Variants in HERC6 observed in about 807,000 individuals in gnomAD.
The protein encoded by HERC6 is probable E3 ubiquitin-protein ligase HERC6.
HERC6 carries 101 observed loss-of-function variants against 114.5 expected under a neutral mutation model. The observed-to-expected ratio is 0.88, with a 90% CI of 0.75 to 1.04. The LOEUF (loss-of-function observed/expected upper bound fraction) is 1.04. HERC6 is among the 50% of genes least tolerant of loss of function. The pLI, the probability that HERC6 is intolerant of heterozygous loss-of-function variation, is 0.00. For synonymous variants in HERC6, 408 were observed against 436.2 expected (o/e 0.94, Z 0.81); for missense variants, 1,133 against 1,230.9 (o/e 0.92, Z 1.19).
chr4:88,437,643 G>T, intron 19 of HERC6, 68 bp from the exon 20 acceptor site: 1 of 941,178 alleles, frequency 1.1e-6, no homozygotes, highest in Non-Finnish European at 1.7e-6. Flanking sequence ...TGGCAATAAA[G>T]ATATTATGGG....
intron 8 of HERC6, 55 bp downstream of exon 8, chr4:88,398,264 A>ACC: frequency 8.9e-7 from 1 of 1,123,226 alleles, no homozygotes; most frequent in South Asian, 1.6e-5. Flanking sequence ...AAGATTTCAG[A>ACC]CCGGTATTTG....
chr4:88,440,295 A>T, intron 22 of HERC6, 45 bp downstream of exon 22: 6 of 1,073,764 alleles, frequency 5.6e-6, no homozygotes, highest in African/African-American at 1.6e-5. Context: ...TGTATCTTTT[A>T]AAAAGGTACA....
intron 4 of HERC6, among the ~76,000 whole-genome samples, chr4:88,391,384 C>G (rs956875412): frequency 3.3e-5 from 5 of 152,200 alleles, no homozygotes; most frequent in Non-Finnish European, 1.5e-5. Context: ...AGGCGCATCT[C>G]CCTTGTTTTA....
At chr4:88,408,999 G>A (rs553071545) in intron 11 of HERC6, among the ~76,000 whole-genome samples, 2 of 152,228 alleles carry the variant, frequency 1.3e-5, no homozygotes, top group South Asian at 4.2e-4. Flanking sequence ...TCCTGGGTGG[G>A]GGCCACAGGA....
chr4:88,411,475 T>A (rs1337611843), intron 11 of HERC6, among the ~76,000 whole-genome samples: 1 of 152,190 alleles, frequency 6.6e-6, no homozygotes, highest in African/African-American at 2.4e-5. Context: ...CATATTCTGC[T>A]AGACATGTGA....
Position 88,417,454 on chromosome 4 carries a change from T to C in HERC6, c.1588T>C (p.Ser530Pro). 1 of 1,610,656 alleles carries C rather than the reference T, an allele frequency of 6.2e-7. No homozygotes were observed. The highest frequency in any genetic ancestry group is 8.5e-7 in the Non-Finnish European group (1 of 1,178,332). The change falls in exon 13 of 23, where the codon TCT (serine) becomes CCT (proline). Residue 530 changes from serine (S) to proline (P), a missense_variant. Around this residue, in one of 3 missense-constraint regions of HERC6, gnomAD observed 735 missense variants for 754.0 expected, o/e 0.97. Transcript: ENST00000264346. The part of the protein sequence containing the change: ...KKCWAFLQES[S>P]LNPLIQMLKA... ...GTGTTGGGCATTTTTGCAAGAATCTTCTCTGAATCCGCTGATCCAGATGCT... is the reference window on the plus strand; with the variant it reads ...GTGTTGGGCATTTTTGCAAGAATCTCCTCTGAATCCGCTGATCCAGATGCT...
At chr4:88,428,361 C>A (rs1737838081) in intron 15 of HERC6, among the ~76,000 whole-genome samples, 1 of 152,178 alleles carries the variant, frequency 6.6e-6, no homozygotes, top group Non-Finnish European at 1.5e-5. Flanking sequence ...CTCCTGTACA[C>A]AATTCCTAGG....
Position 88,443,036 on chromosome 4 carries a change from G to A in HERC6, c.*576G>A, listed in dbSNP as rs1739484992. 1 of 153,048 alleles carries A rather than the reference G, an allele frequency of 6.5e-6. No individual in the cohort carries two copies. The highest frequency in any genetic ancestry group is 1.4e-5 in the Non-Finnish European group (1 of 69,850). 9.5% of individuals were successfully genotyped at this position (153,048 alleles called of 1,614,324 possible). The stretch of plus-strand genomic sequence containing the variant: ...CTAGCCCACTCCCACCCTGTGGAAT[G>A]TACTTTCACTTTTGCTGCTTCACTG... On this transcript the variant is annotated 3_prime_UTR_variant, in exon 23 of 23. Transcript: ENST00000264346.
intron 15 of HERC6, among the ~76,000 whole-genome samples, chr4:88,427,132 G>T (rs1246332850): frequency 6.6e-6 from 1 of 152,134 alleles, no homozygotes; most frequent in African/African-American, 2.4e-5. Context: ...GAGTGAAGCT[G>T]GAAAGCTGAC....
chr4:88,421,178 T>C (rs1449464524), intron 13 of HERC6, among the ~76,000 whole-genome samples: 1 of 152,244 alleles, frequency 6.6e-6, no homozygotes, highest in Non-Finnish European at 1.5e-5. Context: ...ACATTTTATA[T>C]ATCCCTTCCT....
intron 8 of HERC6, chr4:88,399,451 T>C (rs1178527449): frequency 6.6e-6 from 1 of 152,146 alleles, no homozygotes; most frequent in Admixed American, 6.6e-5. Context: ...GGCCGGACCA[T>C]AAATATGTAA....
intron 11 of HERC6, among the ~76,000 whole-genome samples, chr4:88,410,855 T>G (rs1402325092): frequency 6.6e-6 from 1 of 152,016 alleles, no homozygotes; most frequent in Non-Finnish European, 1.5e-5. Flanking sequence ...GGTATGACAG[T>G]TTGTGAGAAT....
intron 4 of HERC6, among the ~76,000 whole-genome samples, chr4:88,391,160 T>C (rs1734898918): frequency 6.6e-6 from 1 of 152,184 alleles, no homozygotes; most frequent in African/African-American, 2.4e-5. Flanking sequence ...GGTTACCTTC[T>C]TCCCTACAGG....
rs528311817 is a variant in HERC6 at position 88,412,042 on chromosome 4, G to A, written c.1369-1035G>A. On this transcript the variant is annotated intron_variant, in intron 11 of 22. Transcript: ENST00000264346. ...AACATATGGCATTTTCTCTGCCATG[G>A]TAGATTTTACTACTATGGTAGTGCC... Among the ~76,000 whole-genome samples the A allele has an allele frequency of 2.0e-5, 3 of 152,264 alleles. No homozygotes were observed. The East Asian group carries it at 5.8e-4, about 29-fold the overall frequency.
chr4:88,430,232 G>A (rs889221060), intron 16 of HERC6, among the ~76,000 whole-genome samples: 3 of 152,130 alleles, frequency 2.0e-5, no homozygotes, highest in African/African-American at 7.2e-5. Flanking sequence ...AAATAGTTAA[G>A]AGACATGGGG....
intron 1 of HERC6, among the ~76,000 whole-genome samples, chr4:88,380,351 T>G (rs1734233849): frequency 2.4e-5 from 1 of 42,302 alleles, no homozygotes; most frequent in Non-Finnish European, 3.7e-5. Context: ...ATATATAATA[T>G]AAATATATAT....
rs1242997511 is a variant in HERC6, at chr4:88,379,088, G to A, written c.167G>A (p.Gly56Asp). The A allele has an allele frequency of 6.5e-7, 1 of 1,547,410 alleles. No homozygotes were observed. The change falls in exon 1 of 23, where the codon GGC becomes GAC. Residue 56 changes from glycine (G) to aspartate (D), a missense_variant. Gly to Asp is a moderately conservative substitution (Grantham distance 94, BLOSUM62 -1). Around this residue, in one of 3 missense-constraint regions of HERC6, gnomAD observed 735 missense variants for 754.0 expected, o/e 0.97. Coordinates refer to ENST00000264346, the MANE Select transcript of HERC6 (RefSeq NM_017912.4). ...SCGDNSRGQLGRRGAQRGELP... is the reference protein window; with the variant it reads ...SCGDNSRGQLDRRGAQRGELP... ...GGAGACAACAGCAGGGGTCAGCTGG[G>A]CCGCAGGGGCGCGCAGCGCGGGGAG...
At chr4:88,386,553 G>A (rs560202974) in intron 3 of HERC6, among the ~76,000 whole-genome samples, 1 of 152,228 alleles carries the variant, frequency 6.6e-6, no homozygotes, top group East Asian at 1.9e-4. Flanking sequence ...CAGAAAATAA[G>A]TGAAACTAAA....
At chr4:88,422,339 G>A (rs1036498322) in intron 13 of HERC6, among the ~76,000 whole-genome samples, 1 of 152,078 alleles carries the variant, frequency 6.6e-6, no homozygotes, top group Non-Finnish European at 1.5e-5. Flanking sequence ...AGGACAACCA[G>A]TATAATGTTT....
Sources: allele counts gnomAD v4.1 joint callset (sites outside exome capture counted in the v4.1 genomes callset), GRCh38; gene constraint gnomAD v4.1.1; regional missense constraint gnomAD v4.1.1; transcripts MANE v1.5; gene names NCBI Gene and HGNC (gene_info 2026-07-23, HGNC 2026-07-21).